The following AGBL3 variants were observed in gnomAD, a reference collection of about 807,000 sequenced individuals.
AGBL3 encodes the protein cytosolic carboxypeptidase 3.
In AGBL3, 68 loss-of-function variants were observed where a neutral mutation model predicts 94.5. The ratio of observed to expected loss-of-function variants is 0.72; its 90% CI spans 0.59 to 0.88. AGBL3 has a LOEUF of 0.88. AGBL3 is among the 40% of genes least tolerant of loss of function. The pLI is 0.00. For missense variants in AGBL3, 934 were observed against 1,103.8 expected (o/e 0.85, Z 2.18); for synonymous variants, 354 against 370.7 (o/e 0.95, Z 0.52).
At chr7:134,999,186 T>A (rs577480091) in intron 4 of AGBL3, among the ~76,000 whole-genome samples, 2 of 152,320 alleles carry the variant, frequency 1.3e-5, no homozygotes, top group East Asian at 3.9e-4. Context: ...TGCCACAGTA[T>A]CTTCTGTTTC....
intron 4 of AGBL3, among the ~76,000 whole-genome samples, chr7:135,013,701 G>T (rs1813429153): frequency 1.3e-5 from 2 of 151,722 alleles, no homozygotes; most frequent in Admixed American, 1.3e-4. Flanking sequence ...ATTTTACAAT[G>T]GTAAGCCTTA....
At chr7:135,116,794 T>C (rs1383976050) in intron 16 of AGBL3, among the ~76,000 whole-genome samples, 2 of 152,138 alleles carry the variant, frequency 1.3e-5, no homozygotes, top group Non-Finnish European at 2.9e-5. Flanking sequence ...TTGGCTGGAG[T>C]ACAGTGGTTA....
At position 135,111,645 on chromosome 7, in the gene AGBL3, C is replaced by T. The variant is rs566780804; in HGVS notation, c.2111-3735C>T. 2.0e-5 allele frequency among the ~76,000 whole-genome samples: 3 copies of T among 152,112 alleles called. 1 individual carries two copies. The South Asian group carries it at 6.2e-4, about 32-fold the overall frequency. On this transcript the variant is annotated intron_variant, in intron 15 of 16. Coordinates refer to ENST00000436302, the MANE Select transcript of AGBL3 (RefSeq NM_178563.4). ...CTCAATGAATATCTGAGTGTCATAT[C>T]TGTGACACTACTCTCTCCTGGTTTT... is the stretch of plus-strand genomic sequence containing the variant.
At chr7:135,014,992 T>G (rs1813597198) in intron 4 of AGBL3, among the ~76,000 whole-genome samples, 1 of 152,208 alleles carries the variant, frequency 6.6e-6, no homozygotes, top group South Asian at 2.1e-4. Flanking sequence ...TTCAAATAGT[T>G]TTTTGAACAG....
intron 15 of AGBL3, among the ~76,000 whole-genome samples, chr7:135,103,846 T>G (rs1215550256): frequency 6.6e-6 from 1 of 152,178 alleles, no homozygotes; most frequent in African/African-American, 2.4e-5. Flanking sequence ...CCATTCCTTG[T>G]GTTGTAATTT....
At chr7:135,022,912 T>C (rs1160825165) in intron 5 of AGBL3, among the ~76,000 whole-genome samples, 1 of 152,210 alleles carries the variant, frequency 6.6e-6, no homozygotes, top group Non-Finnish European at 1.5e-5. Context: ...TGTTATTTCT[T>C]TTTAATTCTT....
At chr7:135,019,189 A>G (rs1468519183) in intron 5 of AGBL3, among the ~76,000 whole-genome samples, 1 of 152,230 alleles carries the variant, frequency 6.6e-6, no homozygotes, top group African/African-American at 2.4e-5. Flanking sequence ...ATGGTACTCC[A>G]TCATATAACT....
chr7:135,052,494 G>A (rs1425305417), intron 11 of AGBL3, among the ~76,000 whole-genome samples: 1 of 152,010 alleles, frequency 6.6e-6, no homozygotes, highest in Non-Finnish European at 1.5e-5. Context: ...ATAATGCTGG[G>A]GTTTGGGCTT....
At chr7:135,074,026 T>C (rs982091311) in intron 12 of AGBL3, among the ~76,000 whole-genome samples, 1 of 119,640 alleles carries the variant, frequency 8.4e-6, no homozygotes, top group Non-Finnish European at 1.7e-5. Flanking sequence ...GTTAATAATA[T>C]TGTATTGTAT....
intron 15 of AGBL3, among the ~76,000 whole-genome samples, chr7:135,087,525 T>G (rs148039514): frequency 3.9e-5 from 6 of 152,186 alleles, no homozygotes; most frequent in African/African-American, 1.2e-4. Flanking sequence ...TTTGGTATGT[T>G]GTGTTTCTAT....
intron 11 of AGBL3, among the ~76,000 whole-genome samples, chr7:135,048,651 T>C (rs1817593448): frequency 1.3e-5 from 2 of 151,880 alleles, no homozygotes; most frequent in South Asian, 4.1e-4. Context: ...GGATATCACC[T>C]TTTCAGGTAG....
chr7:135,015,859 AAAAAAAAG>A (rs1291490188), intron 4 of AGBL3, among the ~76,000 whole-genome samples: 7 of 9,894 alleles, frequency 7.1e-4, no homozygotes, highest in East Asian at 0.018. Flanking sequence ...CTAAAAATAC[AAAAAAAAG>A]AAAAAAAAAA....
chr7:135,006,139 G>A (rs1042822497), intron 4 of AGBL3, among the ~76,000 whole-genome samples: 8 of 151,828 alleles, frequency 5.3e-5, no homozygotes, highest in Non-Finnish European at 1.0e-4. Flanking sequence ...TTAAGCAGAT[G>A]AAAATACAGT....
At chr7:135,112,602 A>G (rs905832292) in intron 15 of AGBL3, among the ~76,000 whole-genome samples, 10 of 152,168 alleles carry the variant, frequency 6.6e-5, no homozygotes, top group Non-Finnish European at 1.3e-4. Context: ...GGCTATAAGT[A>G]TATGTATGTA....
chr7:135,038,989 C>T (rs1221816442), intron 8 of AGBL3, among the ~76,000 whole-genome samples: 3 of 151,808 alleles, frequency 2.0e-5, no homozygotes, highest in East Asian at 1.9e-4. Context: ...TGTGAAAATC[C>T]ACAATTATAG....
intron 12 of AGBL3, among the ~76,000 whole-genome samples, chr7:135,072,374 G>C (rs762634367): frequency 1.3e-5 from 2 of 152,152 alleles, no homozygotes; most frequent in African/African-American, 4.8e-5. Flanking sequence ...CAGGGATCCA[G>C]AACTAGAAAT....
At chr7:135,085,426 A>G (rs1821258885) in intron 15 of AGBL3, among the ~76,000 whole-genome samples, 1 of 152,008 alleles carries the variant, frequency 6.6e-6, no homozygotes, top group Admixed American at 6.6e-5. Context: ...CTTTCATCAG[A>G]CCAATGTCCT....
In AGBL3 at chr7:135,056,018, C is replaced by G. The variant is rs139644925; in HGVS notation, c.1842-3151C>G. Among the ~76,000 whole-genome samples the G allele has an allele frequency of 2.3e-4, 35 of 152,154 alleles. No homozygotes were observed. In the East Asian group the frequency reaches 6.4e-3, roughly 28 times the overall value. ...ACACTGTGTCTTTCAAGAAGCTGGT[C>G]TGTTTCATCTAAGCTATAAAATTTA... On this transcript the variant is annotated intron_variant, in intron 11 of 16. Transcript: ENST00000436302.
chr7:135,077,369 A>G lies in AGBL3; in HGVS notation c.1980+901A>G, dbSNP rs188636579. 1.1e-4 allele frequency among the ~76,000 whole-genome samples: 17 copies of G among 152,206 alleles called. No individual in the cohort carries two copies. The East Asian group carries it at 3.3e-3, about 29-fold the overall frequency. ...TGGGAGAGGCAAATGGAGGAAACCT[A>G]AGTCTACTGCCTCCCCTCCACCTAC... On this transcript the variant is annotated intron_variant, in intron 13 of 16. Coordinates refer to ENST00000436302, the MANE Select transcript of AGBL3 (RefSeq NM_178563.4).
Sources: allele counts gnomAD v4.1 joint callset (sites outside exome capture counted in the v4.1 genomes callset), GRCh38; gene constraint gnomAD v4.1.1; transcripts MANE v1.5; gene names NCBI Gene and HGNC (gene_info 2026-07-23, HGNC 2026-07-21).